PMF1: variants seen among roughly 807,000 people sequenced by gnomAD.
The protein encoded by PMF1 is polyamine modulated factor 1, also known as polyamine-modulated factor 1.
Under a neutral mutation model 26.7 loss-of-function variants are expected in PMF1, and 21 were observed. That is an observed-to-expected ratio of 0.79 (90% CI 0.56 to 1.13). The LOEUF (loss-of-function observed/expected upper bound fraction) is 1.13. Ranked by LOEUF, PMF1 falls within the 50% of genes most tolerant of loss-of-function variation. The pLI, the probability that PMF1 is intolerant of heterozygous loss-of-function variation, is 0.00. For synonymous variants in PMF1, 105 were observed against 101.0 expected (o/e 1.04, Z -0.24); for missense variants, 266 against 254.9 (o/e 1.04, Z -0.30).
At chr1:156,239,274 A>T (rs1659216038) in intron 4 of PMF1, among the ~76,000 whole-genome samples, 1 of 152,218 alleles carries the variant, frequency 6.6e-6, no homozygotes, top group Admixed American at 6.5e-5. Flanking sequence ...TTGAAGGGCC[A>T]CTTTGGGGAC....
intron 1 of PMF1, among the ~76,000 whole-genome samples, chr1:156,222,995 G>A (rs927462334): frequency 6.6e-6 from 1 of 152,212 alleles, no homozygotes; most frequent in Non-Finnish European, 1.5e-5. Flanking sequence ...GTGTTCATAG[G>A]AAATAGTTCA....
At chr1:156,238,881 G>GCC (rs1178113712) in intron 4 of PMF1, among the ~76,000 whole-genome samples, 16 of 57,450 alleles carry the variant, frequency 2.8e-4, no homozygotes, top group African/African-American at 2.0e-3. Flanking sequence ...TGGTGACAAA[G>GCC]GCCCCCCCCC....
intron 1 of PMF1, among the ~76,000 whole-genome samples, chr1:156,216,854 C>T: frequency 6.6e-6 from 1 of 152,004 alleles, no homozygotes; most frequent in Non-Finnish European, 1.5e-5. Flanking sequence ...GCCTCCGCTC[C>T]CGGGGGGCTC....
At position 156,224,260 on chromosome 1, in the gene PMF1, A is replaced by G. The variant is rs910271110; in HGVS notation, c.162-8060A>G. Among the ~76,000 whole-genome samples the G allele has an allele frequency of 1.3e-4, 20 of 152,304 alleles. No homozygotes were observed. In the South Asian group the frequency reaches 1.9e-3, roughly 14 times the overall value. ...ATCCAATCAGGGTAATTAGCATGTC[A>G]TCTCATAGATTTATCATTTCTTTGT... On this transcript the variant is annotated intron_variant, in intron 1 of 4. Coordinates refer to ENST00000368277, the MANE Select transcript of PMF1 (RefSeq NM_007221.4).
At chr1:156,232,695 G>C (rs1658784134) in intron 2 of PMF1, among the ~76,000 whole-genome samples, 1 of 129,052 alleles carries the variant, frequency 7.7e-6, no homozygotes, top group African/African-American at 3.1e-5. Flanking sequence ...AAAGGCTGAT[G>C]GGGTCTTTTT....
chr1:156,221,077 C>T (rs1658054660), intron 1 of PMF1, among the ~76,000 whole-genome samples: 1 of 152,212 alleles, frequency 6.6e-6, no homozygotes, highest in Non-Finnish European at 1.5e-5. Flanking sequence ...CTTTACCTGA[C>T]TAGCTGCTCC....
chr1:156,214,886 T>TA (rs1420741971), intron 1 of PMF1, among the ~76,000 whole-genome samples: 41 of 147,780 alleles, frequency 2.8e-4, no homozygotes, highest in South Asian at 6.4e-4. Flanking sequence ...TTATTATTAT[T>TA]TTTTTTTTTT....
intron 1 of PMF1, among the ~76,000 whole-genome samples, chr1:156,231,216 CAAAAAAAA>C (rs71080753): frequency 3.7e-4 from 18 of 48,394 alleles, no homozygotes; most frequent in African/African-American, 1.1e-3. Context: ...GACTCCATCT[CAAAAAAAA>C]AAAAAAAAAA....
rs1381907656 is a variant in PMF1 at position 156,227,685 on chromosome 1, A to C, written c.162-4635A>C. ...CTCATTTTTTATATTTTTAGTAGAG[A>C]TGGGTTTTCTCCATTTTGGTCAGGC... On this transcript the variant is annotated intron_variant, in intron 1 of 4. Coordinates refer to ENST00000368277, the MANE Select transcript of PMF1 (RefSeq NM_007221.4). Among the ~76,000 whole-genome samples, 3 of 149,664 alleles carry C rather than the reference A, an allele frequency of 2.0e-5. No individual in the cohort carries two copies. The East Asian group carries it at 6.1e-4, about 30-fold the overall frequency.
chr1:156,214,896 T>A (rs1040301905), intron 1 of PMF1, among the ~76,000 whole-genome samples: 3 of 151,150 alleles, frequency 2.0e-5, no homozygotes, highest in South Asian at 2.1e-4. Context: ...TTTTTTTTTT[T>A]AGGCAGTGTC....
At chr1:156,237,508 A>G (rs950268971) in intron 4 of PMF1, among the ~76,000 whole-genome samples, 14 of 138,106 alleles carry the variant, frequency 1.0e-4, no homozygotes, top group East Asian at 6.4e-4. Flanking sequence ...GTGCAGTGGC[A>G]CGATCTCAGC....
intron 1 of PMF1, chr1:156,225,720 T>C (rs1285396968): frequency 4.7e-6 from 4 of 858,230 alleles, no homozygotes; most frequent in Non-Finnish European, 5.7e-6. Flanking sequence ...CACCGTGATA[T>C]TGTGTTACCC....
At position 156,213,188 on chromosome 1, in the gene PMF1, G is replaced by A. The variant is rs751012174; in HGVS notation, c.161+12G>A. 1.2e-6 allele frequency: 2 copies of A among 1,611,554 alleles called. No individual in the cohort carries two copies. Among genetic ancestry groups the A allele is most frequent in the South Asian group, 1.1e-5 (1 of 91,036 alleles). On this transcript the variant is annotated intron_variant, in intron 1 of 4. Coordinates refer to ENST00000368277, the MANE Select transcript of PMF1 (RefSeq NM_007221.4). Reference sequence around the variant, plus strand: ...GTCGCCGCCGGCAGGTAAAGTGGACGCAGCCGCGGTGGGAGTGTTTGTTGG... The same window carrying A: ...GTCGCCGCCGGCAGGTAAAGTGGACACAGCCGCGGTGGGAGTGTTTGTTGG...
intron 1 of PMF1, among the ~76,000 whole-genome samples, chr1:156,224,359 C>G (rs758972503): frequency 6.6e-6 from 1 of 152,216 alleles, no homozygotes; most frequent in African/African-American, 2.4e-5. Context: ...CACAGTCACT[C>G]TACTGTACAA....
At chr1:156,220,291 C>T (rs1405358875) in intron 1 of PMF1, among the ~76,000 whole-genome samples, 4 of 152,042 alleles carry the variant, frequency 2.6e-5, no homozygotes, top group South Asian at 2.1e-4. Context: ...AACTCCTGGG[C>T]ACAAGTGATC....
At position 156,233,704 on chromosome 1, in the gene PMF1, G is replaced by C. The variant is rs1196437202; in HGVS notation, c.344G>C (p.Gly115Ala). 1.2e-6 allele frequency: 2 copies of C among 1,613,800 alleles called. No homozygotes were observed. The highest frequency in any genetic ancestry group is 1.7e-6 in the Non-Finnish European group (2 of 1,179,850). ...GCCTTGGATAAAATTGTGGAAGAAG[G>C]CAAAGTCCGCAAAGAGCCAGCCTGG... is the stretch of plus-strand genomic sequence containing the variant. Reference protein sequence around the residue: ...LNALDKIVEEGKVRKEPAWRP... With the variant: ...LNALDKIVEEAKVRKEPAWRP... Residue 115 changes from glycine (G) to alanine (A), a missense_variant, in exon 3 of 5, where the codon GGC (glycine) becomes GCC (alanine). Physicochemically the swap from Gly to Ala is moderately conservative, Grantham distance 60. Transcript: ENST00000368277.
At chr1:156,236,139 G>A in intron 3 of PMF1, 149 bp from the exon 4 acceptor site, 1 of 979,122 alleles carries the variant, frequency 1.0e-6, no homozygotes, top group East Asian at 2.5e-5. Flanking sequence ...CAGGTCTTGG[G>A]AGGTGAGAGG....
At chr1:156,233,550 A>T in intron 2 of PMF1, 78 bp from the exon 3 acceptor site, 1 of 1,436,130 alleles carries the variant, frequency 7.0e-7, no homozygotes, top group Non-Finnish European at 9.7e-7. Flanking sequence ...AATCTTACCA[A>T]GTGCTGTCAG....
At chr1:156,226,321 G>A (rs1658370922) in intron 1 of PMF1, among the ~76,000 whole-genome samples, 1 of 152,208 alleles carries the variant, frequency 6.6e-6, no homozygotes. Context: ...TTGAAACTCA[G>A]TAAATGTGGT....
Sources: gnomAD v4.1 joint callset for allele counts (sites outside exome capture counted in the v4.1 genomes callset) on GRCh38, gnomAD v4.1.1 for gene constraint, MANE v1.5 for transcripts, NCBI Gene and HGNC (gene_info 2026-07-23, HGNC 2026-07-21) for gene names.